Variants in CD163L1 observed in about 807,000 individuals in gnomAD.
CD163L1 encodes scavenger receptor cysteine-rich type 1 protein M160.
Under a neutral mutation model 165.4 loss-of-function variants are expected in CD163L1, and 124 were observed. The ratio of observed to expected loss-of-function variants is 0.75; its 90% CI spans 0.65 to 0.87. CD163L1 has a LOEUF of 0.87. Ranked by LOEUF, CD163L1 falls within the 40% of genes least tolerant of loss-of-function variation. The pLI is 0.00. For synonymous variants in CD163L1, 585 were observed against 662.2 expected (o/e 0.88, Z 1.79); for missense variants, 1,525 against 1,799.9 (o/e 0.85, Z 2.76).
Position 7,372,306 on chromosome 12 carries a change from A to G in CD163L1, c.3730+1014T>C, listed in dbSNP as rs1947161655. Among the ~76,000 whole-genome samples the G allele has an allele frequency of 6.6e-6, 1 of 152,082 alleles. No homozygotes were observed. The highest frequency in any genetic ancestry group is 1.5e-5 in the Non-Finnish European group (1 of 67,932). ...AATACATAGGCTTTCTGCTGGAGCA[A>G]TTAACTACTACATATAAAGAATCAT... On this transcript the variant is annotated intron_variant, in intron 14 of 19. Transcript: ENST00000313599. This position sits in a 1 kb window ranked among gnomAD's most constrained non-coding sequence, Gnocchi z 4.2.
intron 3 of CD163L1, among the ~76,000 whole-genome samples, chr12:7,433,156 C>T (rs1565817874): frequency 6.6e-6 from 1 of 152,110 alleles, no homozygotes; most frequent in South Asian, 2.1e-4. Flanking sequence ...CTCTGTCTCT[C>T]TCTTTCTCTC....
At position 7,434,657 on chromosome 12, in the gene CD163L1, A is replaced by G. The variant is rs757783436; in HGVS notation, c.125-963T>C. On this transcript the variant is annotated intron_variant, in intron 2 of 19. Coordinates refer to ENST00000313599, the MANE Select transcript of CD163L1 (RefSeq NM_174941.6). The stretch of plus-strand genomic sequence containing the variant: ...ACAAAGAGAAGCAATAAGGAGGAAG[A>G]AAAAGATGAAAAAAGAGAAAGAAAA... 2.6e-5 allele frequency among the ~76,000 whole-genome samples: 4 copies of G among 152,210 alleles called. No homozygotes were observed. The East Asian group carries it at 7.7e-4, about 29-fold the overall frequency.
At chr12:7,399,195 TTTC>T (rs1380564639) in intron 6 of CD163L1, among the ~76,000 whole-genome samples, 5 of 151,318 alleles carry the variant, frequency 3.3e-5, no homozygotes, top group Admixed American at 1.3e-4. Flanking sequence ...TTCTTTTCCT[TTTC>T]TTCTTTCTCT....
chr12:7,404,321 T>TG (rs1174278753), intron 5 of CD163L1, among the ~76,000 whole-genome samples: 1 of 152,158 alleles, frequency 6.6e-6, no homozygotes, highest in Non-Finnish European at 1.5e-5. Flanking sequence ...ACAAAAGGAA[T>TG]GCACAATTAG....
intron 19 of CD163L1, among the ~76,000 whole-genome samples, chr12:7,356,744 C>A (rs949174214): frequency 3.3e-5 from 5 of 152,124 alleles, no homozygotes; most frequent in Non-Finnish European, 5.9e-5. Flanking sequence ...AGCACTGTTC[C>A]TTTTGTGCTG....
At chr12:7,430,683 A>G (rs372914685) in intron 4 of CD163L1, among the ~76,000 whole-genome samples, 1 of 152,278 alleles carries the variant, frequency 6.6e-6, no homozygotes, top group African/African-American at 2.4e-5. Context: ...CCATCATAGC[A>G]TATGAATAGG....
In CD163L1 at chr12:7,398,636, AGAAGACT is replaced by A; in HGVS notation, c.1409-59_1409-53del. 6.9e-7 allele frequency: 1 copy of A among 1,457,658 alleles called. No homozygotes were observed. Among genetic ancestry groups the A allele is most frequent in the East Asian group, 2.3e-5 (1 of 43,626 alleles). 90.3% of individuals were successfully genotyped at this position (1,457,658 alleles called of 1,614,324 possible). On this transcript the variant is annotated intron_variant, in intron 6 of 19. Transcript: ENST00000313599. This position sits in a 1 kb window ranked among gnomAD's most constrained non-coding sequence, Gnocchi z 4.5. ...TGAGATCAAATGAGAGAGTCTTTTC[AGAAGACT>A]GAAAAGACTCTCTAAATTCACGACT...
At chr12:7,439,965 C>T (rs1166140831) in intron 2 of CD163L1, 4 of 1,565,652 alleles carry the variant, frequency 2.6e-6, no homozygotes, top group South Asian at 1.2e-5. Flanking sequence ...CGGTCACACT[C>T]GCTCCCTCCG....
intron 2 of CD163L1, among the ~76,000 whole-genome samples, chr12:7,436,373 T>C (rs894055465): frequency 7.9e-5 from 12 of 152,162 alleles, no homozygotes; most frequent in African/African-American, 2.4e-4. Context: ...CACAAAGATA[T>C]AGTAATATTA....
At chr12:7,319,074 C>T in the CD163L1 span, among the ~76,000 whole-genome samples, 1 of 151,994 alleles carries the variant, frequency 6.6e-6, no homozygotes, top group African/African-American at 2.4e-5. Flanking sequence ...TACAAGTCAC[C>T]ATAATGTAGA....
At chr12:7,375,166 T>A in intron 11 of CD163L1, 115 bp downstream of exon 11, 1 of 1,046,102 alleles carries the variant, frequency 9.6e-7, no homozygotes, top group Non-Finnish European at 1.4e-6. Context: ...CTGTCATGCC[T>A]ATCCCCCCTC....
intron 4 of CD163L1, among the ~76,000 whole-genome samples, chr12:7,408,990 T>C (rs1948081822): frequency 6.6e-6 from 1 of 152,206 alleles, no homozygotes; most frequent in Non-Finnish European, 1.5e-5. Context: ...AGAAGAATCA[T>C]ACTTCTCATT....
At chr12:7,328,283 T>C in the CD163L1 span, 1 of 1,575,412 alleles carries the variant, frequency 6.3e-7, no homozygotes, top group Non-Finnish European at 8.6e-7. Context: ...TTTCTGTCAA[T>C]TAGGTGGAAT....
At position 7,374,697 on chromosome 12, in the gene CD163L1, A is replaced by G; in HGVS notation, c.3154T>C (p.Tyr1052His). 6.2e-7 allele frequency: 1 copy of G among 1,614,218 alleles called. No homozygotes were observed. The highest frequency in any genetic ancestry group is 8.5e-7 in the Non-Finnish European group (1 of 1,180,032). ...DSRCAGRVEI[Y>H]HDGFWGTICD... ...ATGGTGCCCCAGAAGCCGTCGTGATAGATCTCTACTCTCCCGGCACAGCGG... is the reference window on the plus strand; with the variant it reads ...ATGGTGCCCCAGAAGCCGTCGTGATGGATCTCTACTCTCCCGGCACAGCGG... Residue 1052 changes from tyrosine to histidine, a missense_variant, in exon 13 of 20, where the codon TAT becomes CAT. Physicochemically the swap from Tyr to His is moderately conservative, Grantham distance 83. Transcript: ENST00000313599. The surrounding 1 kb of genome is among the most constrained non-coding windows in gnomAD (Gnocchi z 5.4).
intron 2 of CD163L1, chr12:7,438,696 A>T (rs1351002451): frequency 5.3e-6 from 4 of 748,464 alleles, no homozygotes; most frequent in Non-Finnish European, 6.3e-6. Flanking sequence ...ACTTTCTCAT[A>T]GCTTGACTGT....
chr12:7,398,302 T>C lies in CD163L1; in HGVS notation c.1691A>G (p.Asn564Ser), dbSNP rs1378581990. ...DCEHSGWGKHNCVHREDVIVT... is the reference protein window; with the variant it reads ...DCEHSGWGKHSCVHREDVIVT... ...AATCACATCCTCTCTGTGTACACAA[T>C]TATGCTTTCCCCATCCACTGTGTTC... Residue 564 changes from asparagine to serine, a missense_variant, in exon 7 of 20, where the codon AAT becomes AGT. By Grantham distance (46) the Asn-to-Ser change is conservative (BLOSUM62 1). Coordinates refer to ENST00000313599, the MANE Select transcript of CD163L1 (RefSeq NM_174941.6). The surrounding 1 kb of genome is among the most constrained non-coding windows in gnomAD (Gnocchi z 4.5). 2 of 1,614,122 alleles carry C rather than the reference T, an allele frequency of 1.2e-6. No homozygotes were observed. The highest frequency in any genetic ancestry group is 2.7e-5 in the African/African-American group (2 of 75,054).
rs1947096935 is a variant in CD163L1 at position 7,369,395 on chromosome 12, T to C, written c.4001A>G (p.Asp1334Gly). 1.9e-6 allele frequency: 3 copies of C among 1,613,976 alleles called. No homozygotes were observed. The highest frequency in any genetic ancestry group is 2.5e-6 in the Non-Finnish European group (3 of 1,180,000). The part of the protein sequence containing the change: ...DCHAKPWGQS[D>G]CGHKEDAGVR... ...GCCAGCATCTTCCTTGTGTCCACAGTCACTCTGTCCCCAGGGTTTGGCGTG... is the reference window on the plus strand; with the variant it reads ...GCCAGCATCTTCCTTGTGTCCACAGCCACTCTGTCCCCAGGGTTTGGCGTG... Residue 1334 changes from aspartate (D) to glycine (G), a missense_variant, in exon 15 of 20, where the codon GAC becomes GGC. Physicochemically the swap from Asp to Gly is moderately conservative, Grantham distance 94. Coordinates refer to ENST00000313599, the MANE Select transcript of CD163L1 (RefSeq NM_174941.6). This position sits in a 1 kb window ranked among gnomAD's most constrained non-coding sequence, Gnocchi z 4.9.
chr12:7,357,488 T>C lies in CD163L1; in HGVS notation c.4280-2A>G, dbSNP rs746584025. 2 of 1,612,260 alleles carry C rather than the reference T, an allele frequency of 1.2e-6. No homozygotes were observed. Among genetic ancestry groups the C allele is most frequent in the Non-Finnish European group, 1.7e-6 (2 of 1,178,766 alleles). Reference sequence around the variant, plus strand: ...CACAACCATGGTTGGGGGTGTCATCTGAAAGAAAGGCAAAATCTGTATTAT... The same window carrying C: ...CACAACCATGGTTGGGGGTGTCATCCGAAAGAAAGGCAAAATCTGTATTAT... On this transcript the variant is annotated splice_acceptor_variant, in intron 18 of 19. Transcript: ENST00000313599. LOFTEE classifies it high-confidence loss of function.
At chr12:7,321,198 G>A in the CD163L1 span, among the ~76,000 whole-genome samples, 1 of 152,098 alleles carries the variant, frequency 6.6e-6, no homozygotes, top group Non-Finnish European at 1.5e-5. Context: ...TTGTCCTCTA[G>A]TTCTATTCTT....
Sources: gnomAD v4.1 joint callset for allele counts (sites outside exome capture counted in the v4.1 genomes callset) on GRCh38, gnomAD v4.1.1 for gene constraint, Gnocchi (gnomAD v3.1) non-coding constraint, MANE v1.5 for transcripts, NCBI Gene and HGNC (gene_info 2026-07-23, HGNC 2026-07-21) for gene names.